The following ARVCF variants were observed in gnomAD, a reference collection of about 807,000 sequenced individuals.
ARVCF encodes splicing regulator ARVCF.
ARVCF carries 66 observed loss-of-function variants against 90.9 expected under a neutral mutation model. The observed-to-expected ratio is 0.73, with a 90% CI of 0.60 to 0.89. The LOEUF is 0.89. Among genes scored for constraint, ARVCF ranks in the 40% least tolerant of loss-of-function variants. ARVCF has a pLI of 0.00. For missense variants in ARVCF, 1,469 were observed against 1,382.3 expected, an observed-to-expected ratio of 1.06 and a Z score of -1.00; for synonymous variants, 653 against 603.4, an observed-to-expected ratio of 1.08 and a Z score of -1.21.
chr22:19,985,259 C>T (rs1441350865), intron 3 of ARVCF, among the ~76,000 whole-genome samples: 1 of 152,196 alleles, frequency 6.6e-6, no homozygotes, highest in East Asian at 1.9e-4. Flanking sequence ...TGCACCCCGC[C>T]CGGCCTCCCA....
At chr22:19,975,665 G>A (rs372229067) in intron 11 of ARVCF, 21 bp downstream of exon 11, 12 of 1,613,136 alleles carry the variant, frequency 7.4e-6, no homozygotes, top group Non-Finnish European at 9.3e-6. Flanking sequence ...AGTGGAGCTG[G>A]CTTCATCTCA....
At chr22:19,980,366 G>C (rs1601602972) in intron 5 of ARVCF, 124 bp from the exon 6 acceptor site, 1 of 1,355,266 alleles carries the variant, frequency 7.4e-7, no homozygotes, top group Non-Finnish European at 9.6e-7. Context: ...GAGAGCACCT[G>C]TATCTTGGCC....
chr22:19,973,635 G>T lies in ARVCF; in HGVS notation c.2239+8C>A, dbSNP rs773599594. On this transcript the variant is annotated splice_region_variant and intron_variant, in intron 13 of 19. Coordinates refer to ENST00000263207, the MANE Select transcript of ARVCF (RefSeq NM_001670.3). Reference sequence around the variant, plus strand: ...GTGCCCAGGCGTGGGCTTTGCAGGCGTCCTCACCGATGAGGTCTTTGTTGC... The same window carrying T: ...GTGCCCAGGCGTGGGCTTTGCAGGCTTCCTCACCGATGAGGTCTTTGTTGC... The T allele has an allele frequency of 6.2e-7, 1 of 1,600,924 alleles. No homozygotes were observed. The highest frequency in any genetic ancestry group is 8.5e-7 in the Non-Finnish European group (1 of 1,173,238).
intron 3 of ARVCF, among the ~76,000 whole-genome samples, chr22:19,986,447 G>T (rs886265778): frequency 1.1e-4 from 16 of 152,180 alleles, no homozygotes; most frequent in African/African-American, 3.9e-4. Flanking sequence ...CTGAGAGGGG[G>T]AGGATCCCGT....
chr22:20,008,915 C>A (rs1396403564), intron 2 of ARVCF, among the ~76,000 whole-genome samples: 2 of 152,052 alleles, frequency 1.3e-5, no homozygotes. Context: ...TAGAGAAGAC[C>A]AAGAACTGGA....
At chr22:19,978,213 A>G in intron 7 of ARVCF, 138 bp from the exon 8 acceptor site, 1 of 695,372 alleles carries the variant, frequency 1.4e-6, no homozygotes, top group Non-Finnish European at 2.3e-6. Flanking sequence ...AGGACCCCAC[A>G]GTCTGGAGCT....
intron 2 of ARVCF, among the ~76,000 whole-genome samples, chr22:20,001,754 T>C (rs1463005315): frequency 6.6e-6 from 1 of 152,024 alleles, no homozygotes; most frequent in Non-Finnish European, 1.5e-5. Context: ...ATCACCTCAC[T>C]GTACTCCAGC....
intron 2 of ARVCF, among the ~76,000 whole-genome samples, chr22:20,000,458 C>T (rs1944405736): frequency 6.6e-6 from 1 of 152,174 alleles, no homozygotes; most frequent in African/African-American, 2.4e-5. Flanking sequence ...GCTGCACCAC[C>T]CCATCCAGGG....
chr22:19,975,725 C>T lies in ARVCF; in HGVS notation c.1921G>A (p.Asp641Asn). Reference protein sequence around the residue: ...KKDGEMDRNFDTLDLPKRTEA... With the variant: ...KKDGEMDRNFNTLDLPKRTEA... The stretch of plus-strand genomic sequence containing the variant: ...GTTCGCTTGGGCAGGTCTAGCGTGT[C>T]AAAGTTCCGGTCCATCTCACCATCC... Residue 641 changes from aspartate to asparagine, a missense_variant, in exon 11 of 20, where the codon GAC (aspartate) becomes AAC (asparagine). Transcript: ENST00000263207. The T allele has an allele frequency of 6.2e-7, 1 of 1,613,662 alleles. No individual in the cohort carries two copies. Among genetic ancestry groups the T allele is most frequent in the Non-Finnish European group, 8.5e-7 (1 of 1,179,976 alleles).
intron 19 of ARVCF, 85 bp downstream of exon 19, chr22:19,971,131 G>C: frequency 6.5e-7 from 1 of 1,545,638 alleles, no homozygotes. Flanking sequence ...GGGAAGAGCA[G>C]AGCGTGCAGG....
Position 19,979,878 on chromosome 22 carries a change from A to G in ARVCF, c.1261T>C (p.Cys421Arg), listed in dbSNP as rs1943385973. 2 of 1,607,466 alleles carry G rather than the reference A, an allele frequency of 1.2e-6. No individual in the cohort carries two copies. The highest frequency in any genetic ancestry group is 2.2e-5 in the East Asian group (1 of 44,648). ...HPRAEVRRRACGALRNLSYGR... is the reference protein window; with the variant it reads ...HPRAEVRRRARGALRNLSYGR... ...TAGGAGAGGTTGCGCAGTGCCCCAC[A>G]GGCCCGGCGCCGCACCTCAGCCCGC... The change falls in exon 6 of 20, where the codon TGT becomes CGT. Residue 421 changes from cysteine (C) to arginine (R), a missense_variant. By Grantham distance (180) the Cys-to-Arg change is radical (BLOSUM62 -3). Coordinates refer to ENST00000263207, the MANE Select transcript of ARVCF (RefSeq NM_001670.3).
In ARVCF at chr22:19,970,323, C is replaced by A; in HGVS notation, c.*433G>T. On this transcript the variant is annotated 3_prime_UTR_variant, in exon 20 of 20. Transcript: ENST00000263207. ...CCCTCCGCCTTTAGAAGTCCAAGTT[C>A]TTTCCCAGCCCCCTCCCTGCCTAGC... 1.0e-6 allele frequency: 1 copy of A among 997,870 alleles called. No homozygotes were observed. The highest frequency in any genetic ancestry group is 1.2e-6 in the Non-Finnish European group (1 of 837,326). 61.8% of individuals were successfully genotyped at this position (997,870 alleles called of 1,614,324 possible). A position where few individuals can be genotyped will look rare whatever the true frequency, so the allele number is the denominator to read the frequency against.
At position 19,969,965 on chromosome 22, in the gene ARVCF, C is replaced by T; in HGVS notation, c.*791G>A. On this transcript the variant is annotated 3_prime_UTR_variant, in exon 20 of 20. Transcript: ENST00000263207. ...GTGTTTACCAATAGTCTTATTTTGG[C>T]TTATTTTTAATGCTTTTTCTCAGTG... 1 of 985,626 alleles carries T rather than the reference C, an allele frequency of 1.0e-6. No individual in the cohort carries two copies. Among genetic ancestry groups the T allele is most frequent in the Non-Finnish European group, 1.2e-6 (1 of 829,932 alleles). The allele number at this position is 985,626 out of a possible 1,614,324, so 61.1% of individuals were successfully genotyped here.
At chr22:20,009,476 A>G (rs1419443982) in intron 2 of ARVCF, among the ~76,000 whole-genome samples, 1 of 152,086 alleles carries the variant, frequency 6.6e-6, no homozygotes. Flanking sequence ...TGCCTCCACA[A>G]TGGGCACTAA....
chr22:19,980,233 C>G lies in ARVCF; in HGVS notation c.906G>C (p.Glu302Asp). 6.5e-7 allele frequency: 1 copy of G among 1,528,430 alleles called. No homozygotes were observed. Among genetic ancestry groups the G allele is most frequent in the Non-Finnish European group, 8.8e-7 (1 of 1,138,828 alleles). The allele number at this position is 1,528,430 out of a possible 1,614,324, so 94.7% of individuals were successfully genotyped here. A position where few individuals can be genotyped will look rare whatever the true frequency, so the allele number is the denominator to read the frequency against. ...CGRGLHTRAY[E>D]DTADDGGELA... is the part of the protein sequence containing the mutation. ...GCTCGCCGCCATCATCTGCTGTGTC[C>G]TCGTAGGCCCTGCACAGGCAAGTGG... Residue 302 changes from glutamate to aspartate, a missense_variant, in exon 6 of 20, where the codon GAG (glutamate) becomes GAC (aspartate). Coordinates refer to ENST00000263207, the MANE Select transcript of ARVCF (RefSeq NM_001670.3).
At chr22:20,015,485 C>T (rs1444883758) in intron 1 of ARVCF, among the ~76,000 whole-genome samples, 1 of 152,172 alleles carries the variant, frequency 6.6e-6, no homozygotes, top group East Asian at 1.9e-4. Flanking sequence ...ATCCCAGCTC[C>T]AATAGAGTGA....
At chr22:20,010,948 G>A (rs1422322984) in intron 1 of ARVCF, among the ~76,000 whole-genome samples, 1 of 152,258 alleles carries the variant, frequency 6.6e-6, no homozygotes, top group Non-Finnish European at 1.5e-5. Context: ...GAGGCCACGT[G>A]CCTCTCCTGA....
intron 11 of ARVCF, 164 bp from the exon 12 acceptor site, chr22:19,974,403 G>T: frequency 1.2e-6 from 1 of 820,440 alleles, no homozygotes; most frequent in Non-Finnish European, 1.7e-6. Context: ...AGTCACCCAA[G>T]GGGAAAAGCG....
downstream of ARVCF, chr22:19,967,235 T>C: frequency 7.7e-7 from 1 of 1,301,666 alleles, no homozygotes; most frequent in South Asian, 1.2e-5. Context: ...GGCTCCTGAG[T>C]CCCCTGGCGC....
Sources: allele counts gnomAD v4.1 joint callset (sites outside exome capture counted in the v4.1 genomes callset), GRCh38; gene constraint gnomAD v4.1.1; transcripts MANE v1.5; gene names NCBI Gene and HGNC (gene_info 2026-07-23, HGNC 2026-07-21).